DNAJC10: variants seen among roughly 807,000 people sequenced by gnomAD.
DNAJC10 encodes endoplasmic reticulum disulfide reductase DNAJC10.
A neutral mutation model predicts 115.0 loss-of-function variants in DNAJC10; 101 were observed. The observed-to-expected ratio is 0.88, with a 90% CI of 0.75 to 1.04. The LOEUF is 1.04. Among genes scored for constraint, DNAJC10 ranks in the 50% least tolerant of loss-of-function variants. The pLI, the probability that DNAJC10 is intolerant of heterozygous loss-of-function variation, is 0.00. For missense variants in DNAJC10, 981 were observed against 928.8 expected, an observed-to-expected ratio of 1.06 and a Z score of -0.73; for synonymous variants, 307 against 301.5, an observed-to-expected ratio of 1.02 and a Z score of -0.19.
rs1170763395 is a variant in DNAJC10, at chr2:182,789,639, A to G, written c.*12507A>G. 1 of 152,230 alleles carries G rather than the reference A, an allele frequency of 6.6e-6. No homozygotes were observed. Among genetic ancestry groups the G allele is most frequent in the East Asian group, 1.9e-4 (1 of 5,202 alleles). 9.4% of individuals were successfully genotyped at this position (152,230 alleles called of 1,614,324 possible). A position where few individuals can be genotyped will look rare whatever the true frequency, so the allele number is the denominator to read the frequency against. ...GCCATTGCAAATAATGCTGCTATAA[A>G]CATGGGTGTACAAATATCAGAAACC... On this transcript the variant is annotated 3_prime_UTR_variant, in exon 24 of 24. Coordinates refer to ENST00000264065, the MANE Select transcript of DNAJC10 (RefSeq NM_018981.4).
rs769964845 is a variant in DNAJC10, at chr2:182,719,990, C to G, written c.205-17C>G. On this transcript the variant is annotated splice_polypyrimidine_tract_variant and intron_variant, in intron 3 of 23. Coordinates refer to ENST00000264065, the MANE Select transcript of DNAJC10 (RefSeq NM_018981.4). ...TGTATCTGAAATAATTGTATTATAT[C>G]TAATATTTTTTAACAGAATAACCCA... The G allele has an allele frequency of 7.4e-7, 1 of 1,351,666 alleles. No individual in the cohort carries two copies. Among genetic ancestry groups the G allele is most frequent in the Non-Finnish European group, 1.0e-6 (1 of 964,552 alleles). The allele number at this position is 1,351,666 out of a possible 1,614,324, so 83.7% of individuals were successfully genotyped here. A position where few individuals can be genotyped will look rare whatever the true frequency, so the allele number is the denominator to read the frequency against.
chr2:182,751,631 T>G (rs1471428981), intron 14 of DNAJC10, 27 bp from the exon 15 acceptor site: 4 of 1,603,722 alleles, frequency 2.5e-6, no homozygotes, highest in Non-Finnish European at 3.4e-6. Context: ...GAATTTGGAT[T>G]TGAATTTCTC....
intron 22 of DNAJC10, among the ~76,000 whole-genome samples, chr2:182,764,386 G>T (rs1165318351): frequency 2.0e-5 from 3 of 152,236 alleles, no homozygotes; most frequent in African/African-American, 7.2e-5. Context: ...AATAATAGCT[G>T]AGAGTAAAAA....
intron 17 of DNAJC10, 133 bp from the exon 18 acceptor site, chr2:182,756,181 C>A: frequency 1.4e-6 from 1 of 725,112 alleles, no homozygotes; most frequent in Non-Finnish European, 2.1e-6. Flanking sequence ...TGCAAATATT[C>A]CAAAATTCAA....
chr2:182,775,363 C>T lies in DNAJC10; in HGVS notation c.2313C>T (p.Ile771=), dbSNP rs749880923. 22 of 1,612,874 alleles carry T rather than the reference C, an allele frequency of 1.4e-5. No homozygotes were observed. The highest frequency in any genetic ancestry group is 6.7e-5 in the African/African-American group (5 of 74,818). The stretch of plus-strand genomic sequence containing the variant: ...TAAATACCAGAGATGCAAAAGCAAT[C>T]GCTGCCTTAATAAGTGAAAAATTGG... ...EQINTRDAKA[I]AALISEKLET... The change falls in exon 23 of 24, where the codon ATC becomes ATT. Residue 771 remains isoleucine, a synonymous_variant. Transcript: ENST00000264065.
intron 4 of DNAJC10, 46 bp downstream of exon 4, chr2:182,720,215 A>G (rs374079846): frequency 8.7e-5 from 129 of 1,482,834 alleles, no homozygotes; most frequent in Non-Finnish European, 1.1e-4. Context: ...TATCTGAGTA[A>G]AAGAAAAGTG....
Position 182,750,443 on chromosome 2 carries a change from A to G in DNAJC10, c.1307-1215A>G, listed in dbSNP as rs1693986229. Among the ~76,000 whole-genome samples, 3 of 152,314 alleles carry G rather than the reference A, an allele frequency of 2.0e-5. No homozygotes were observed. The South Asian group carries it at 6.2e-4, about 32-fold the overall frequency. The stretch of plus-strand genomic sequence containing the variant: ...ATTATATTTAGGCACCTAGTGGATA[A>G]TTATGTTATTGCCAAGATAAGGTTG... On this transcript the variant is annotated intron_variant, in intron 14 of 23. Coordinates refer to ENST00000264065, the MANE Select transcript of DNAJC10 (RefSeq NM_018981.4).
Position 182,718,029 on chromosome 2 carries a change from C to A in DNAJC10, c.-58C>A. 7.4e-7 allele frequency: 1 copy of A among 1,343,176 alleles called. No individual in the cohort carries two copies. Among genetic ancestry groups the A allele is most frequent in the South Asian group, 1.4e-5 (1 of 68,972 alleles). 83.2% of individuals were successfully genotyped at this position (1,343,176 alleles called of 1,614,324 possible). On this transcript the variant is annotated 5_prime_UTR_variant, in exon 3 of 24. In the 5' UTR this introduces an upstream ATG that the reference lacks. Coordinates refer to ENST00000264065, the MANE Select transcript of DNAJC10 (RefSeq NM_018981.4). ...TTCTCAAATTTGCATATTACATCAA[C>A]TGGAACCAGCAGTGAATCTTAATGT...
chr2:182,752,999 A>C (rs2105670820), intron 16 of DNAJC10, among the ~76,000 whole-genome samples: 1 of 152,350 alleles, frequency 6.6e-6, no homozygotes, highest in South Asian at 2.1e-4. Context: ...GGGAAATGTG[A>C]ACACTGACAA....
intron 4 of DNAJC10, 145 bp downstream of exon 4, chr2:182,720,314 G>A (rs1202250012): frequency 1.4e-5 from 9 of 665,774 alleles, no homozygotes; most frequent in Admixed American, 3.0e-5. Context: ...AATTTAAAAG[G>A]AATGTCAGTT....
At chr2:182,761,521 A>G (rs1394363535) in intron 21 of DNAJC10, among the ~76,000 whole-genome samples, 1 of 152,122 alleles carries the variant, frequency 6.6e-6, no homozygotes, top group Non-Finnish European at 1.5e-5. Context: ...GAGAGGTGAT[A>G]ACTTTAATCA....
Position 182,751,700 on chromosome 2 carries a change from G to C in DNAJC10, c.1349G>C (p.Ser450Thr), listed in dbSNP as rs778581646. Residue 450 changes from serine (S) to threonine (T), a missense_variant, in exon 15 of 24, where the codon AGT (serine) becomes ACT (threonine). By Grantham distance (58) the Ser-to-Thr change is moderately conservative (BLOSUM62 1). Transcript: ENST00000264065. ...GATATACTTGCCTTTGCCAAAGAAA[G>C]TGTGAATTCTCATGTTACCACGCTT... ...LYDILAFAKE[S>T]VNSHVTTLGP... The C allele has an allele frequency of 6.8e-6, 11 of 1,613,990 alleles. No homozygotes were observed. Among genetic ancestry groups the C allele is most frequent in the Middle Eastern group, 1.7e-4 (1 of 6,060 alleles).
rs1266988689 is a variant in DNAJC10 at position 182,786,928 on chromosome 2, TAAA to T, written c.*9798_*9800del. The stretch of plus-strand genomic sequence containing the variant: ...CTCCTTTTTGAGATTGGTACACTTA[TAAA>T]AGAGACCCCAGTATCTTGCTCGTCC... On this transcript the variant is annotated 3_prime_UTR_variant, in exon 24 of 24. Coordinates refer to ENST00000264065, the MANE Select transcript of DNAJC10 (RefSeq NM_018981.4). The T allele has an allele frequency of 1.3e-5, 2 of 152,088 alleles. No homozygotes were observed. The highest frequency in any genetic ancestry group is 4.8e-5 in the African/African-American group (2 of 41,392). The allele number at this position is 152,088 out of a possible 1,614,324, so 9.4% of individuals were successfully genotyped here. A position where few individuals can be genotyped will look rare whatever the true frequency, so the allele number is the denominator to read the frequency against.
In DNAJC10 at chr2:182,781,633, C is replaced by T. The variant is rs1447451049; in HGVS notation, c.*4501C>T. ...CATCCTCTCCAGCATCTGTTGTTTC[C>T]TCACTTTTTAATGATCGCCATTCTA... On this transcript the variant is annotated 3_prime_UTR_variant, in exon 24 of 24. Transcript: ENST00000264065. The T allele has an allele frequency of 3.3e-5, 5 of 152,130 alleles. No individual in the cohort carries two copies. Among genetic ancestry groups the T allele is most frequent in the South Asian group, 2.1e-4 (1 of 4,828 alleles). The allele number at this position is 152,130 out of a possible 1,614,324, so 9.4% of individuals were successfully genotyped here. A position where few individuals can be genotyped will look rare whatever the true frequency, so the allele number is the denominator to read the frequency against.
rs1306892729 is a variant in DNAJC10, at chr2:182,728,863, T to C, written c.502T>C (p.Trp168Arg). 4 of 1,613,980 alleles carry C rather than the reference T, an allele frequency of 2.5e-6. No homozygotes were observed. Among genetic ancestry groups the C allele is most frequent in the Non-Finnish European group, 3.4e-6 (4 of 1,180,004 alleles). The change falls in exon 7 of 24, where the codon TGG (tryptophan) becomes CGG (arginine). Residue 168 changes from tryptophan (W) to arginine (R), a missense_variant and splice_region_variant. Coordinates refer to ENST00000264065, the MANE Select transcript of DNAJC10 (RefSeq NM_018981.4). The stretch of plus-strand genomic sequence containing the variant: ...AATATGTTTTCTTTTTCTGTCATAG[T>C]GGAGAGACTTTGCTAAAGAAGTGGA... ...CSHCHDLAPT[W>R]RDFAKEVDGL...
At chr2:182,736,616 A>G (rs975804445) in intron 11 of DNAJC10, among the ~76,000 whole-genome samples, 15 of 152,346 alleles carry the variant, frequency 9.8e-5, no homozygotes, top group Admixed American at 2.6e-4. Context: ...ATTTAAAGTC[A>G]TTACATCTTT....
At chr2:182,753,014 T>C (rs555160300) in intron 16 of DNAJC10, among the ~76,000 whole-genome samples, 1 of 152,330 alleles carries the variant, frequency 6.6e-6, no homozygotes, top group East Asian at 1.9e-4. Context: ...TGACAAGATA[T>C]CTGATGATTT....
At chr2:182,723,905 C>A (rs1348950349) in intron 5 of DNAJC10, among the ~76,000 whole-genome samples, 1 of 152,114 alleles carries the variant, frequency 6.6e-6, no homozygotes, top group Non-Finnish European at 1.5e-5. Flanking sequence ...AAATAATTAA[C>A]CTTGCTTGAT....
chr2:182,729,464 A>T (rs941346851), intron 7 of DNAJC10, among the ~76,000 whole-genome samples: 1 of 152,124 alleles, frequency 6.6e-6, no homozygotes, highest in African/African-American at 2.4e-5. Context: ...AACACCATTG[A>T]CTTTGCTATA....
Sources: gnomAD v4.1 joint callset for allele counts (sites outside exome capture counted in the v4.1 genomes callset) on GRCh38, gnomAD v4.1.1 for gene constraint, MANE v1.5 for transcripts, NCBI Gene and HGNC (gene_info 2026-07-23, HGNC 2026-07-21) for gene names.